The following ADAM32 variants were observed in gnomAD, a reference collection of about 807,000 sequenced individuals.
The protein encoded by ADAM32 is disintegrin and metalloproteinase domain-containing protein 32.
In ADAM32, 89 loss-of-function variants were observed where a neutral mutation model predicts 114.9. The observed-to-expected ratio is 0.77, with a 90% CI of 0.65 to 0.92. The LOEUF (loss-of-function observed/expected upper bound fraction) is 0.92. Among genes scored for constraint, ADAM32 ranks in the 40% least tolerant of loss-of-function variants. The pLI is 0.00. For missense variants in ADAM32, 870 were observed against 932.8 expected (o/e 0.93, Z 0.88); for synonymous variants, 285 against 307.5 (o/e 0.93, Z 0.77).
chr8:39,193,128 G>A (rs890921916), intron 11 of ADAM32, among the ~76,000 whole-genome samples: 13 of 152,054 alleles, frequency 8.5e-5, no homozygotes, highest in African/African-American at 3.1e-4. Flanking sequence ...TATCTTTCAG[G>A]GTTGCCAATG....
intron 10 of ADAM32, among the ~76,000 whole-genome samples, chr8:39,185,630 A>G (rs1806188393): frequency 6.6e-6 from 1 of 152,208 alleles, no homozygotes; most frequent in Non-Finnish European, 1.5e-5. Context: ...ATTTCAGTTA[A>G]CATGACTCCT....
Position 39,270,925 on chromosome 8 carries a change from T to G in ADAM32, c.2201+11T>G, listed in dbSNP as rs771784463. 1 of 1,602,690 alleles carries G rather than the reference T, an allele frequency of 6.2e-7. No individual in the cohort carries two copies. Among genetic ancestry groups the G allele is most frequent in the Non-Finnish European group, 8.5e-7 (1 of 1,173,972 alleles). ...GACATATGCCAGCCAGTAAGTAGTT[T>G]AGAAGGTGTTTTTAAGATACATGTT... is the stretch of plus-strand genomic sequence containing the variant. On this transcript the variant is annotated intron_variant, in intron 20 of 24. Transcript: ENST00000379907.
intron 10 of ADAM32, among the ~76,000 whole-genome samples, chr8:39,181,410 C>T (rs1399251949): frequency 6.6e-6 from 1 of 152,140 alleles, no homozygotes; most frequent in Admixed American, 6.5e-5. Flanking sequence ...AAACTCTGAA[C>T]ACATCCAAAC....
intron 3 of ADAM32, among the ~76,000 whole-genome samples, chr8:39,146,069 T>C (rs184432943): frequency 1.8e-4 from 28 of 152,292 alleles, no homozygotes; most frequent in African/African-American, 6.7e-4. Context: ...TACTGTCTTT[T>C]GGATTGGACA....
At chr8:39,241,242 G>A (rs1368786616) in intron 16 of ADAM32, among the ~76,000 whole-genome samples, 3 of 152,216 alleles carry the variant, frequency 2.0e-5, no homozygotes, top group African/African-American at 7.2e-5. Flanking sequence ...GCAGGGTATA[G>A]CCTCCTGGCT....
intron 6 of ADAM32, among the ~76,000 whole-genome samples, chr8:39,155,427 T>C (rs1012538478): frequency 2.0e-5 from 3 of 152,226 alleles, no homozygotes; most frequent in Non-Finnish European, 4.4e-5. Flanking sequence ...TACCTTTATG[T>C]GACAATAGCA....
chr8:39,109,848 A>G (rs776259446), intron 1 of ADAM32, among the ~76,000 whole-genome samples: 3 of 152,204 alleles, frequency 2.0e-5, no homozygotes, highest in Non-Finnish European at 2.9e-5. Context: ...ATTATACAGA[A>G]TAGTTTCACT....
chr8:39,162,493 C>T (rs1804578245), intron 7 of ADAM32, among the ~76,000 whole-genome samples: 1 of 151,948 alleles, frequency 6.6e-6, no homozygotes, highest in Non-Finnish European at 1.5e-5. Flanking sequence ...GTCTTTATAG[C>T]AGCATGATTT....
At chr8:39,124,515 T>G (rs544805221) in intron 2 of ADAM32, among the ~76,000 whole-genome samples, 1 of 151,998 alleles carries the variant, frequency 6.6e-6, no homozygotes, top group Admixed American at 6.6e-5. Flanking sequence ...CCTCCCGGGT[T>G]CATGCCATTC....
Position 39,186,972 on chromosome 8 carries a change from C to T in ADAM32, c.979C>T (p.Leu327=), listed in dbSNP as rs9643859. 8.1e-6 allele frequency: 13 copies of T among 1,613,056 alleles called. No homozygotes were observed. The East Asian group carries it at 2.9e-4, about 36-fold the overall frequency. The change falls in exon 11 of 25, where the codon CTG becomes TTG. Residue 327 remains leucine (L), a synonymous_variant. Transcript: ENST00000379907. ...VIVTQMLALS[L]GISYDDPKKC... is the part of the protein sequence containing the mutation. Reference sequence around the variant, plus strand: ...TGTCACCCAGATGCTGGCACTCAGTCTGGGAATATCATATGACGACCCAAA... The same window carrying T: ...TGTCACCCAGATGCTGGCACTCAGTTTGGGAATATCATATGACGACCCAAA...
chr8:39,167,430 G>A (rs74210465), intron 9 of ADAM32: 37,468 of 152,068 alleles, frequency 0.25, 4,993 homozygotes, highest in Non-Finnish European at 0.29. Context: ...GTATCATGCT[G>A]TTTTGGTGAC....
At chr8:39,138,027 C>T (rs568246986) in intron 3 of ADAM32, among the ~76,000 whole-genome samples, 3 of 152,184 alleles carry the variant, frequency 2.0e-5, no homozygotes, top group East Asian at 1.9e-4. Context: ...ATGTGTATAT[C>T]GTTTTGAGAA....
intron 1 of ADAM32, among the ~76,000 whole-genome samples, chr8:39,109,662 C>G (rs1020907240): frequency 6.6e-6 from 1 of 152,154 alleles, no homozygotes; most frequent in Non-Finnish European, 1.5e-5. Flanking sequence ...CAAATATGAA[C>G]AGCTTCTCCC....
At chr8:39,188,391 A>G (rs559843802) in intron 11 of ADAM32, among the ~76,000 whole-genome samples, 76 of 123,780 alleles carry the variant, frequency 6.1e-4, no homozygotes, top group Non-Finnish European at 1.1e-3. Context: ...CTGTCTGTCT[A>G]TCTATCTATC....
At chr8:39,125,510 G>A (rs752953747) in intron 2 of ADAM32, among the ~76,000 whole-genome samples, 3 of 152,102 alleles carry the variant, frequency 2.0e-5, no homozygotes, top group Admixed American at 6.5e-5. Context: ...ATGGAATTTC[G>A]AACTTGGAAT....
At chr8:39,200,307 T>C (rs1019516299) in intron 11 of ADAM32, among the ~76,000 whole-genome samples, 11 of 152,282 alleles carry the variant, frequency 7.2e-5, no homozygotes, top group Non-Finnish European at 4.4e-5. Context: ...TTTTAATGAT[T>C]GCCATTCTAA....
chr8:39,270,253 A>G (rs1812631898), intron 19 of ADAM32, among the ~76,000 whole-genome samples: 1 of 152,176 alleles, frequency 6.6e-6, no homozygotes, highest in Non-Finnish European at 1.5e-5. Flanking sequence ...TGGGAGTGTG[A>G]ACTGGGGTCC....
chr8:39,222,339 G>A (rs1809028425), intron 13 of ADAM32, among the ~76,000 whole-genome samples: 1 of 151,946 alleles, frequency 6.6e-6, no homozygotes, highest in Admixed American at 6.6e-5. Flanking sequence ...TGACTGTCCT[G>A]GACTGATGCA....
At chr8:39,211,078 T>G (rs1263365601) in intron 11 of ADAM32, 66 bp from the exon 12 acceptor site, 57 of 1,247,238 alleles carry the variant, frequency 4.6e-5, no homozygotes, top group Non-Finnish European at 5.7e-5. Context: ...TGAAATTAAT[T>G]TATATCATAT....
Sources: gnomAD v4.1 joint callset for allele counts (sites outside exome capture counted in the v4.1 genomes callset) on GRCh38, gnomAD v4.1.1 for gene constraint, MANE v1.5 for transcripts, NCBI Gene and HGNC (gene_info 2026-07-23, HGNC 2026-07-21) for gene names.